TCF12: variants seen among roughly 807,000 people sequenced by gnomAD.
The protein encoded by TCF12 is DNA-binding protein HTF4.
Under a neutral mutation model 86.0 loss-of-function variants are expected in TCF12, and 45 were observed. The ratio of observed to expected loss-of-function variants is 0.52; its 90% confidence interval spans 0.41 to 0.67. The LOEUF (loss-of-function observed/expected upper bound fraction) is 0.67. Ranked by LOEUF, TCF12 falls within the 30% of genes least tolerant of loss-of-function variation. TCF12 has a pLI of 0.00. For synonymous variants in TCF12, 330 were observed against 299.6 expected (o/e 1.10, Z -1.05); for missense variants, 881 against 859.9 (o/e 1.02, Z -0.31).
At chr15:57,158,808 T>C (rs146129230) in intron 5 of TCF12, among the ~76,000 whole-genome samples, 177 of 152,298 alleles carry the variant, frequency 1.2e-3, no homozygotes, top group Non-Finnish European at 2.1e-3. Flanking sequence ...GTGAGTAATT[T>C]GGCATGGAGT....
intron 1 of TCF12, 57 bp from the exon 2 acceptor site, chr15:56,919,835 C>G: frequency 1.3e-6 from 2 of 1,490,256 alleles, no homozygotes; most frequent in East Asian, 2.3e-5. Context: ...TCTCTCTGTT[C>G]CCTCACACAC....
chr15:57,255,792 G>A (rs1022186003), intron 16 of TCF12, among the ~76,000 whole-genome samples: 3 of 150,682 alleles, frequency 2.0e-5, no homozygotes, highest in South Asian at 2.1e-4. Flanking sequence ...AGAGATATTC[G>A]TAAAAAGAAA....
intron 3 of TCF12, among the ~76,000 whole-genome samples, chr15:57,037,521 T>C (rs1160779855): frequency 3.9e-5 from 6 of 152,196 alleles, no homozygotes; most frequent in Non-Finnish European, 5.9e-5. Flanking sequence ...TCAAGAGCTC[T>C]AGTGAGAATA....
At chr15:56,957,097 G>A (rs1274540821) in intron 3 of TCF12, among the ~76,000 whole-genome samples, 1 of 152,140 alleles carries the variant, frequency 6.6e-6, no homozygotes, top group Non-Finnish European at 1.5e-5. Flanking sequence ...TCTGTGTTAT[G>A]ATGCTTCCAT....
chr15:56,976,898 C>G (rs2062633632), intron 3 of TCF12, among the ~76,000 whole-genome samples: 1 of 151,702 alleles, frequency 6.6e-6, no homozygotes, highest in South Asian at 2.1e-4. Context: ...CACAAAATCT[C>G]AAGGAAAAAA....
chr15:57,232,949 A>G, intron 11 of TCF12, 93 bp downstream of exon 11: 2 of 793,220 alleles, frequency 2.5e-6, no homozygotes, highest in Non-Finnish European at 3.3e-6. Context: ...TTTTATATAT[A>G]TAAATGTTAT....
Position 57,045,583 on chromosome 15 carries a change from T to C in TCF12, c.149-18167T>C, listed in dbSNP as rs114479755. On this transcript the variant is annotated intron_variant, in intron 3 of 20. Coordinates refer to ENST00000333725, the MANE Select transcript of TCF12 (RefSeq NM_207037.2). ...TGTTTTGAGATAGGATCTCCCTCTGTAACCCAGGCTGCAGTACAATGGCAT... is the reference window on the plus strand; with the variant it reads ...TGTTTTGAGATAGGATCTCCCTCTGCAACCCAGGCTGCAGTACAATGGCAT... 2.4e-3 allele frequency among the ~76,000 whole-genome samples: 360 copies of C among 152,294 alleles called. 2 individuals carry two copies. The highest frequency in any genetic ancestry group is 8.5e-3 in the African/African-American group (352 of 41,550).
chr15:57,220,120 G>C (rs1407422000), intron 8 of TCF12, among the ~76,000 whole-genome samples: 1 of 152,152 alleles, frequency 6.6e-6, no homozygotes, highest in Non-Finnish European at 1.5e-5. Context: ...TTTTAAGATA[G>C]TGTAGAAAAT....
intron 3 of TCF12, among the ~76,000 whole-genome samples, chr15:57,032,694 C>G (rs1596223745): frequency 6.6e-6 from 1 of 152,196 alleles, no homozygotes; most frequent in South Asian, 2.1e-4. Context: ...ATTCTCCCAC[C>G]TAGGCCTCCA....
chr15:57,198,591 G>A (rs1412637770), intron 8 of TCF12, among the ~76,000 whole-genome samples: 4 of 152,096 alleles, frequency 2.6e-5, no homozygotes, highest in Non-Finnish European at 5.9e-5. Context: ...AACCTGCATC[G>A]TAAATCTACC....
chr15:57,231,524 C>G (rs1314775387), intron 9 of TCF12, among the ~76,000 whole-genome samples: 2 of 152,094 alleles, frequency 1.3e-5, no homozygotes, highest in Admixed American at 1.3e-4. Context: ...TAGAGCTGTT[C>G]TTGCTCATTT....
chr15:57,178,039 C>T (rs1217214036), intron 6 of TCF12, among the ~76,000 whole-genome samples: 1 of 152,136 alleles, frequency 6.6e-6, no homozygotes, highest in Non-Finnish European at 1.5e-5. Context: ...CTTTCGTAAA[C>T]TTATTTCAGG....
intron 5 of TCF12, among the ~76,000 whole-genome samples, chr15:57,148,238 G>A (rs538095846): frequency 1.3e-5 from 2 of 151,430 alleles, no homozygotes; most frequent in African/African-American, 4.8e-5. Flanking sequence ...CTAGAGTGGG[G>A]TTATTTTAGA....
chr15:57,036,261 G>T (rs28384214), intron 3 of TCF12, among the ~76,000 whole-genome samples: 12 of 149,898 alleles, frequency 8.0e-5, no homozygotes, highest in Admixed American at 4.7e-4. Flanking sequence ...AAGGTTTTTT[G>T]TTTTTTTTTC....
intron 6 of TCF12, among the ~76,000 whole-genome samples, chr15:57,183,897 G>T (rs943621886): frequency 6.6e-6 from 1 of 152,150 alleles, no homozygotes; most frequent in Non-Finnish European, 1.5e-5. Flanking sequence ...TCCAGAACAT[G>T]AGTATTTGTG....
chr15:57,010,623 T>C (rs899408552), intron 3 of TCF12, among the ~76,000 whole-genome samples: 51 of 152,204 alleles, frequency 3.4e-4, no homozygotes, highest in Admixed American at 3.3e-4. Flanking sequence ...GCTTTTTTCC[T>C]GCTCCTTAAA....
chr15:56,990,694 G>C (rs1342563082), intron 3 of TCF12, among the ~76,000 whole-genome samples: 1 of 152,052 alleles, frequency 6.6e-6, no homozygotes, highest in Non-Finnish European at 1.5e-5. Context: ...ATGTGTTCTT[G>C]GGTTATGATT....
intron 5 of TCF12, among the ~76,000 whole-genome samples, chr15:57,152,126 C>A (rs1289580260): frequency 1.3e-5 from 2 of 152,222 alleles, no homozygotes; most frequent in African/African-American, 4.8e-5. Flanking sequence ...GCAACAGTCA[C>A]ACCAAGCTAA....
At chr15:56,958,470 A>G (rs1044071650) in intron 3 of TCF12, among the ~76,000 whole-genome samples, 10 of 152,096 alleles carry the variant, frequency 6.6e-5, no homozygotes, top group African/African-American at 2.2e-4. Context: ...GGTTCTAACT[A>G]TTTACATTTA....
Sources: allele counts gnomAD v4.1 joint callset (sites outside exome capture counted in the v4.1 genomes callset), GRCh38; gene constraint gnomAD v4.1.1; transcripts MANE v1.5; gene names NCBI Gene and HGNC (gene_info 2026-07-23, HGNC 2026-07-21).